The following DISC1 variants were observed in gnomAD, a reference collection of about 807,000 sequenced individuals.
DISC1 encodes disrupted in schizophrenia 1 protein.
DISC1 carries 57 observed loss-of-function variants against 84.5 expected under a neutral mutation model. The ratio of observed to expected loss-of-function variants is 0.67; its 90% confidence interval spans 0.55 to 0.84. The LOEUF (loss-of-function observed/expected upper bound fraction) is 0.84. Ranked by LOEUF, DISC1 falls within the 40% of genes least tolerant of loss-of-function variation. DISC1 has a pLI of 0.00. For missense variants in DISC1, 1,000 were observed against 1,057.8 expected, an observed-to-expected ratio of 0.95 and a Z score of 0.76; for synonymous variants, 411 against 415.2, an observed-to-expected ratio of 0.99 and a Z score of 0.12.
At position 232,039,363 on chromosome 1, in the gene DISC1, G is replaced by A. The variant is rs369472550; in HGVS notation, c.*2532G>A. The A allele has an allele frequency of 7.9e-5, 12 of 152,148 alleles. No homozygotes were observed. Among genetic ancestry groups the A allele is most frequent in the African/African-American group, 2.9e-4 (12 of 41,414 alleles). 9.4% of individuals were successfully genotyped at this position (152,148 alleles called of 1,614,324 possible). ...ACACCATCATGAAATAATTCTGTGA[G>A]GTCATGATGTATTTGAAAATTCTGC... On this transcript the variant is annotated 3_prime_UTR_variant, in exon 13 of 13. Transcript: ENST00000439617.
At chr1:231,822,105 T>G (rs924606703) in intron 9 of DISC1, among the ~76,000 whole-genome samples, 2 of 152,170 alleles carry the variant, frequency 1.3e-5, no homozygotes, top group African/African-American at 4.8e-5. Flanking sequence ...TTATTAATAT[T>G]GTTGATTTCG....
chr1:231,674,684 A>G (rs1469213927), intron 1 of DISC1, among the ~76,000 whole-genome samples: 3 of 152,216 alleles, frequency 2.0e-5, no homozygotes, highest in South Asian at 2.1e-4. Context: ...ACCTGTTGTT[A>G]GGTTAAGCAT....
At chr1:231,642,279 G>T (rs900684388) in intron 1 of DISC1, among the ~76,000 whole-genome samples, 1 of 152,196 alleles carries the variant, frequency 6.6e-6, no homozygotes, top group African/African-American at 2.4e-5. Flanking sequence ...GTTCCCGCCC[G>T]CGCCTCTCCC....
intron 9 of DISC1, among the ~76,000 whole-genome samples, chr1:231,865,405 A>G (rs1172328765): frequency 6.6e-6 from 1 of 152,240 alleles, no homozygotes; most frequent in Admixed American, 6.5e-5. Context: ...CAGAAAATCA[A>G]AAGGAGGTTA....
intron 6 of DISC1, among the ~76,000 whole-genome samples, chr1:231,782,680 G>A (rs1321699328): frequency 2.0e-5 from 3 of 152,164 alleles, no homozygotes; most frequent in African/African-American, 4.8e-5. Flanking sequence ...GCTCATGTCT[G>A]TAATCCCAGG....
At chr1:231,701,173 G>A (rs2066368650) in intron 2 of DISC1, among the ~76,000 whole-genome samples, 1 of 152,188 alleles carries the variant, frequency 6.6e-6, no homozygotes, top group Admixed American at 6.5e-5. Context: ...GCAGGCAAGA[G>A]GGCGCTTGTG....
At chr1:231,637,038 A>T (rs1472841918) in intron 1 of DISC1, among the ~76,000 whole-genome samples, 1 of 152,020 alleles carries the variant, frequency 6.6e-6, no homozygotes, top group East Asian at 1.9e-4. Flanking sequence ...CCCACTTATG[A>T]GTGAGAACAT....
intron 7 of DISC1, among the ~76,000 whole-genome samples, chr1:231,796,046 A>C (rs2078740000): frequency 6.6e-6 from 1 of 152,128 alleles, no homozygotes; most frequent in African/African-American, 2.4e-5. Flanking sequence ...CATTTTGCCT[A>C]CTTTATCCAT....
At chr1:231,957,480 A>T (rs1659719499) in intron 9 of DISC1, among the ~76,000 whole-genome samples, 1 of 152,212 alleles carries the variant, frequency 6.6e-6, no homozygotes, top group South Asian at 2.1e-4. Context: ...GCACTACAGA[A>T]GCAGGAATCT....
intron 1 of DISC1, among the ~76,000 whole-genome samples, chr1:231,669,274 G>A (rs928076831): frequency 6.6e-6 from 1 of 152,128 alleles, no homozygotes; most frequent in Admixed American, 6.5e-5. Context: ...TAAAAACCCT[G>A]GAAGATAACT....
In DISC1 at chr1:231,831,850, G is replaced by A. The variant is rs1207051044; in HGVS notation, c.1981+13333G>A. 2.1e-4 allele frequency among the ~76,000 whole-genome samples: 3 copies of A among 14,578 alleles called. No homozygotes were observed. In the South Asian group the frequency reaches 3.9e-3, roughly 19 times the overall value. The allele number at this position is 14,578 out of a possible 152,430, so 9.6% of individuals were successfully genotyped here. A position where few individuals can be genotyped will look rare whatever the true frequency, so the allele number is the denominator to read the frequency against. On this transcript the variant is annotated intron_variant, in intron 9 of 12. Transcript: ENST00000439617. ...CTAGTTCGGCTTTCTGAGAGGTAGT[G>A]GGGGGGGGTGGGCAGAGTGGTAGCC...
chr1:231,772,842 A>T (rs2076658648), intron 6 of DISC1, among the ~76,000 whole-genome samples: 2 of 152,174 alleles, frequency 1.3e-5, no homozygotes, highest in East Asian at 1.9e-4. Context: ...ATCTCCTCCC[A>T]TTCCCCTTCT....
intron 5 of DISC1, among the ~76,000 whole-genome samples, chr1:231,767,636 G>A (rs1165480634): frequency 6.6e-6 from 1 of 152,180 alleles, no homozygotes; most frequent in East Asian, 1.9e-4. Flanking sequence ...GCAGCCAAGT[G>A]GGTCTTTGCT....
chr1:232,030,388 A>G lies in DISC1; in HGVS notation c.2425+3836A>G, dbSNP rs75773462. Among the ~76,000 whole-genome samples, 268 of 152,350 alleles carry G rather than the reference A, an allele frequency of 1.8e-3. 2 individuals carry two copies. The highest frequency in any genetic ancestry group is 5.3e-3 in the African/African-American group (222 of 41,578). On this transcript the variant is annotated intron_variant, in intron 12 of 12. Transcript: ENST00000439617. ...TTCTACAACACACTTTCAAAGGAAA[A>G]GAAGTACACCTGTGATATGTACATT...
chr1:232,012,389 T>A (rs821631), intron 11 of DISC1, among the ~76,000 whole-genome samples: 1 of 152,006 alleles, frequency 6.6e-6, no homozygotes, highest in African/African-American at 2.4e-5. Flanking sequence ...ACAGAAGGTA[T>A]GGGGAAATGA....
At chr1:231,679,696 G>C (rs530349487) in intron 1 of DISC1, among the ~76,000 whole-genome samples, 2 of 152,360 alleles carry the variant, frequency 1.3e-5, no homozygotes, top group East Asian at 3.9e-4. Flanking sequence ...TTTGTAATTA[G>C]TGTGCACTGT....
chr1:231,856,266 A>G (rs530162146), intron 9 of DISC1, among the ~76,000 whole-genome samples: 6 of 152,278 alleles, frequency 3.9e-5, no homozygotes, highest in African/African-American at 1.4e-4. Flanking sequence ...AAACTGTGCA[A>G]TGAAGAGGCA....
intron 9 of DISC1, among the ~76,000 whole-genome samples, chr1:231,920,030 G>A (rs114548279): frequency 0.015 from 2,212 of 152,136 alleles, 64 homozygotes; most frequent in African/African-American, 0.05. Context: ...GGGGTGTCCC[G>A]CGCATCGTAA....
At chr1:231,724,626 A>G (rs12723735) in intron 3 of DISC1, among the ~76,000 whole-genome samples, 50,893 of 152,002 alleles carry the variant, frequency 0.33, 8,824 homozygotes, top group African/African-American at 0.41. Flanking sequence ...CTGTGTATAG[A>G]CACAGATGCA....
Sources: gnomAD v4.1 joint callset for allele counts (sites outside exome capture counted in the v4.1 genomes callset) on GRCh38, gnomAD v4.1.1 for gene constraint, MANE v1.5 for transcripts, NCBI Gene and HGNC (gene_info 2026-07-23, HGNC 2026-07-21) for gene names.